TOP6BL: variants seen among roughly 807,000 people sequenced by gnomAD.
The protein encoded by TOP6BL is TOP6B like initiator of meiotic double strand breaks.
chr11:66,831,190 C>T, the TOP6BL span, among the ~76,000 whole-genome samples: 1 of 152,192 alleles, frequency 6.6e-6, no homozygotes, highest in Non-Finnish European at 1.5e-5. Flanking sequence ...CTTCGGAGAA[C>T]AGTTAGCAGT....
the TOP6BL span, among the ~76,000 whole-genome samples, chr11:66,761,209 A>T: frequency 2.6e-5 from 4 of 151,972 alleles, no homozygotes; most frequent in African/African-American, 9.7e-5. Flanking sequence ...GTCTCTACTA[A>T]AAATACTAAA....
At chr11:66,773,323 G>A in the TOP6BL span, among the ~76,000 whole-genome samples, 2 of 151,856 alleles carry the variant, frequency 1.3e-5, no homozygotes, top group Admixed American at 1.3e-4. Flanking sequence ...TAAAGTGCTG[G>A]GATTATAGGC....
chr11:66,783,498 T>G, the TOP6BL span, among the ~76,000 whole-genome samples: 5 of 151,164 alleles, frequency 3.3e-5, no homozygotes, highest in South Asian at 2.1e-4. Flanking sequence ...AACTCATGGG[T>G]TTTTTTTGCT....
At chr11:66,800,560 T>C in the TOP6BL span, 4 of 1,099,044 alleles carry the variant, frequency 3.6e-6, no homozygotes, top group Non-Finnish European at 5.2e-6. Flanking sequence ...CTTATTCTTT[T>C]CCTTTAGGGA....
At chr11:66,823,681 G>A in the TOP6BL span, among the ~76,000 whole-genome samples, 2 of 152,040 alleles carry the variant, frequency 1.3e-5, no homozygotes, top group Non-Finnish European at 2.9e-5. Context: ...TCAGCCAGGC[G>A]TGGTGGTGCA....
the TOP6BL span, among the ~76,000 whole-genome samples, chr11:66,785,280 C>T: frequency 1.3e-5 from 2 of 151,952 alleles, no homozygotes; most frequent in Admixed American, 1.3e-4. Flanking sequence ...TTTCTAATAC[C>T]CCATTACTTT....
the TOP6BL span, among the ~76,000 whole-genome samples, chr11:66,775,781 A>G: frequency 6.6e-6 from 1 of 152,158 alleles, no homozygotes; most frequent in African/African-American, 2.4e-5. Flanking sequence ...GGGGCTTCCT[A>G]TCCCGCCATC....
the TOP6BL span, among the ~76,000 whole-genome samples, chr11:66,787,869 G>A: frequency 2.0e-5 from 3 of 152,244 alleles, no homozygotes; most frequent in Admixed American, 6.5e-5. Context: ...CAGTTCTGAA[G>A]CTATCTGGCA....
chr11:66,841,280 G>C, the TOP6BL span, among the ~76,000 whole-genome samples: 1 of 151,836 alleles, frequency 6.6e-6, no homozygotes, highest in Non-Finnish European at 1.5e-5. Flanking sequence ...ACCATGCCCA[G>C]CTAATTTTTG....
the TOP6BL span, chr11:66,796,360 C>CT: frequency 6.2e-7 from 1 of 1,603,130 alleles, no homozygotes; most frequent in South Asian, 1.1e-5. Context: ...ATGGTGCACC[C>CT]TAAGGTAAGC....
chr11:66,746,735 G>A, the TOP6BL span, among the ~76,000 whole-genome samples: 1 of 151,462 alleles, frequency 6.6e-6, no homozygotes, highest in East Asian at 1.9e-4. Context: ...AATTAGCAGG[G>A]TGTGGTGGCA....
the TOP6BL span, among the ~76,000 whole-genome samples, chr11:66,777,043 CTATATCTA>C: frequency 2.0e-5 from 3 of 149,184 alleles, no homozygotes; most frequent in African/African-American, 4.9e-5. Flanking sequence ...GTTGTAATCA[CTATATCTA>C]TATATCTATA....
At chr11:66,817,690 G>GC in the TOP6BL span, among the ~76,000 whole-genome samples, 1 of 152,112 alleles carries the variant, frequency 6.6e-6, no homozygotes, top group Non-Finnish European at 1.5e-5. Flanking sequence ...ACCCGCCTCA[G>GC]CCCCCCAAAG....
chr11:66,776,212 C>T, the TOP6BL span, among the ~76,000 whole-genome samples: 3 of 151,998 alleles, frequency 2.0e-5, no homozygotes, highest in Non-Finnish European at 4.4e-5. Context: ...GCATGCACCA[C>T]CATGCCTGGG....
the TOP6BL span, among the ~76,000 whole-genome samples, chr11:66,749,743 G>C: frequency 3.9e-5 from 6 of 152,086 alleles, no homozygotes; most frequent in Non-Finnish European, 5.9e-5. Context: ...GTGTGTGTGT[G>C]TATTTTTAAT....
At chr11:66,791,817 A>T in the TOP6BL span, among the ~76,000 whole-genome samples, 3 of 150,416 alleles carry the variant, frequency 2.0e-5, no homozygotes, top group Non-Finnish European at 4.4e-5. Flanking sequence ...TCTTTCTAAT[A>T]ATTTTTTTTT....
chr11:66,757,356 T>C, the TOP6BL span, among the ~76,000 whole-genome samples: 245 of 152,012 alleles, frequency 1.6e-3, no homozygotes, highest in African/African-American at 5.6e-3. Context: ...TAAAATAAAA[T>C]AATAATGAAA....
chr11:66,811,593 A>G, the TOP6BL span, among the ~76,000 whole-genome samples: 1 of 152,262 alleles, frequency 6.6e-6, no homozygotes, highest in African/African-American at 2.4e-5. Context: ...ACCTGTGACA[A>G]TAGCACAAAG....
chr11:66,765,897 T>G, the TOP6BL span, among the ~76,000 whole-genome samples: 1 of 152,206 alleles, frequency 6.6e-6, no homozygotes, highest in African/African-American at 2.4e-5. Flanking sequence ...CAGGAATCCC[T>G]TAGCTCCCTG....
Sources: allele counts gnomAD v4.1 joint callset (sites outside exome capture counted in the v4.1 genomes callset), GRCh38; gene constraint gnomAD v4.1.1; transcripts MANE v1.5; gene names NCBI Gene and HGNC (gene_info 2026-07-23, HGNC 2026-07-21).